DACH2: variants seen among roughly 807,000 people sequenced by gnomAD.
DACH2 encodes dachshund homolog 2.
Under a neutral mutation model 35.8 loss-of-function variants are expected in DACH2, and 17 were observed. That is an observed-to-expected ratio of 0.48 (90% CI 0.33 to 0.71). The LOEUF (loss-of-function observed/expected upper bound fraction) is 0.71. Among genes scored for constraint, DACH2 ranks in the 30% least tolerant of loss-of-function variants. DACH2 has a pLI of 0.02. For missense variants in DACH2, 469 were observed against 472.7 expected, an observed-to-expected ratio of 0.99 and a Z score of 0.07; for synonymous variants, 195 against 177.3, an observed-to-expected ratio of 1.10 and a Z score of -0.79.
intron 3 of DACH2, among the ~76,000 whole-genome samples, chrX:86,547,636 A>C (rs1326377117): frequency 9.1e-6 from 1 of 110,450 alleles, no homozygotes; most frequent in Non-Finnish European, 1.9e-5. Flanking sequence ...GTGTCACTTA[A>C]AGTGTTTTCT....
chrX:86,175,989 C>A (rs1182973814), intron 1 of DACH2, among the ~76,000 whole-genome samples: 1 of 111,331 alleles, frequency 9.0e-6, no homozygotes, highest in Non-Finnish European at 1.9e-5. Flanking sequence ...GTCATAAATT[C>A]AAAATGGTCA....
At chrX:86,612,712 C>T (rs758884589) in intron 3 of DACH2, among the ~76,000 whole-genome samples, 3 of 112,495 alleles carry the variant, frequency 2.7e-5, no homozygotes, top group African/African-American at 6.4e-5. Flanking sequence ...TCAAGACTGT[C>T]TTTCCTACCC....
rs773633938 is a variant in DACH2, at chrX:86,689,463, T to C, written c.773-5558T>C. Among the ~76,000 whole-genome samples, 18 of 111,525 alleles carry C rather than the reference T, an allele frequency of 1.6e-4. No individual in the cohort carries two copies. The East Asian group carries it at 3.9e-3, about 24-fold the overall frequency. On this transcript the variant is annotated intron_variant, in intron 4 of 11. Coordinates refer to ENST00000373125, the MANE Select transcript of DACH2 (RefSeq NM_053281.3). ...ATTATTATTTACAAAAAATGAAGTC[T>C]TTAAAGTTTAATTATGATTTAAAAT...
intron 2 of DACH2, among the ~76,000 whole-genome samples, chrX:86,437,265 C>T (rs959544068): frequency 9.0e-6 from 1 of 111,517 alleles, no homozygotes; most frequent in Non-Finnish European, 1.9e-5. Flanking sequence ...ATCCCCACAT[C>T]GGTATTTATT....
chrX:86,293,072 T>A (rs922105076), intron 1 of DACH2, among the ~76,000 whole-genome samples: 3 of 94,410 alleles, frequency 3.2e-5, no homozygotes, highest in African/African-American at 1.2e-4. Context: ...AGTCTCTTTG[T>A]AGGTCACTCA....
chrX:86,571,446 G>A (rs923163455), intron 3 of DACH2, among the ~76,000 whole-genome samples: 1 of 106,433 alleles, frequency 9.4e-6, no homozygotes, highest in Non-Finnish European at 1.9e-5. Flanking sequence ...ATCCCTCCCC[G>A]CTCCCCCCAC....
intron 1 of DACH2, among the ~76,000 whole-genome samples, chrX:86,175,594 T>C (rs2031275828): frequency 8.9e-6 from 1 of 111,785 alleles, no homozygotes; most frequent in Admixed American, 9.5e-5. Context: ...TTAGGAATAA[T>C]CAAGTAAAAA....
chrX:86,417,325 A>G (rs1476491274), intron 2 of DACH2, among the ~76,000 whole-genome samples: 1 of 111,127 alleles, frequency 9.0e-6, no homozygotes. Context: ...GATTTACTAA[A>G]TTGTTTTAAA....
chrX:86,205,341 C>G (rs1435220746), intron 1 of DACH2, among the ~76,000 whole-genome samples: 2 of 109,070 alleles, frequency 1.8e-5, no homozygotes. Flanking sequence ...GAATAAGAAG[C>G]TTTATTTTCA....
chrX:86,738,977 A>T (rs1309547143), intron 6 of DACH2, among the ~76,000 whole-genome samples: 1 of 111,029 alleles, frequency 9.0e-6, no homozygotes, highest in Admixed American at 9.6e-5. Flanking sequence ...GGTTCAAGGG[A>T]TTCTTCTACA....
In DACH2 at chrX:86,289,328, C is replaced by T. The variant is rs764790633; in HGVS notation, c.489-87496C>T. Among the ~76,000 whole-genome samples the T allele has an allele frequency of 4.7e-5, 5 of 107,382 alleles. No homozygotes were observed. The South Asian group carries it at 1.3e-3, about 28-fold the overall frequency. 93.2% of individuals were successfully genotyped at this position (107,382 alleles called of 115,157 possible). On this transcript the variant is annotated intron_variant, in intron 1 of 11. Coordinates refer to ENST00000373125, the MANE Select transcript of DACH2 (RefSeq NM_053281.3). The stretch of plus-strand genomic sequence containing the variant: ...AAGGATGGGGTATCTTTTGGAACTG[C>T]GAGCTGTGCAGCCTGTGGTTAGGGG...
At chrX:86,555,600 T>G (rs57126062) in intron 3 of DACH2, among the ~76,000 whole-genome samples, 35,852 of 110,691 alleles carry the variant, frequency 0.32, 4,670 homozygotes, top group Middle Eastern at 0.49. Flanking sequence ...GCAAATATTT[T>G]TTAAATCACT....
chrX:86,730,129 C>CTTG (rs1256994728), intron 6 of DACH2, among the ~76,000 whole-genome samples: 1 of 111,095 alleles, frequency 9.0e-6, no homozygotes, highest in Non-Finnish European at 1.9e-5. Context: ...TGTGCTAATG[C>CTTG]TTGTCACTGA....
intron 1 of DACH2, among the ~76,000 whole-genome samples, chrX:86,152,918 C>T (rs185691558): frequency 2.7e-5 from 3 of 111,724 alleles, no homozygotes; most frequent in Non-Finnish European, 5.7e-5. Flanking sequence ...TGACAATTTT[C>T]ACTCTTATGC....
At chrX:86,367,838 T>C (rs1267630974) in intron 1 of DACH2, among the ~76,000 whole-genome samples, 1 of 111,952 alleles carries the variant, frequency 8.9e-6, no homozygotes, top group African/African-American at 3.2e-5. Flanking sequence ...TTTGTTCCAT[T>C]CTGTACTTAG....
chrX:86,423,257 G>A (rs766693204), intron 2 of DACH2, among the ~76,000 whole-genome samples: 1 of 111,101 alleles, frequency 9.0e-6, no homozygotes, highest in African/African-American at 3.3e-5. Context: ...GTTCTCCACA[G>A]TGGTTGTACT....
intron 2 of DACH2, among the ~76,000 whole-genome samples, chrX:86,493,199 G>A (rs2038119094): frequency 9.0e-6 from 1 of 110,764 alleles, no homozygotes; most frequent in Non-Finnish European, 1.9e-5. Context: ...TCTCCTTGTG[G>A]TTTTGATTTG....
At chrX:86,684,030 T>G (rs552208324) in intron 4 of DACH2, among the ~76,000 whole-genome samples, 3 of 111,378 alleles carry the variant, frequency 2.7e-5, no homozygotes, top group African/African-American at 9.8e-5. Context: ...GCCACTTTCA[T>G]AGAACTTTGC....
intron 11 of DACH2, among the ~76,000 whole-genome samples, chrX:86,820,840 T>C (rs772131791): frequency 2.3e-4 from 25 of 110,488 alleles, no homozygotes; most frequent in Non-Finnish European, 2.1e-4. Flanking sequence ...CTTTTCTCTT[T>C]GGCACTTGCT....
Sources: gnomAD v4.1 joint callset for allele counts (sites outside exome capture counted in the v4.1 genomes callset) on GRCh38, gnomAD v4.1.1 for gene constraint, MANE v1.5 for transcripts, NCBI Gene and HGNC (gene_info 2026-07-23, HGNC 2026-07-21) for gene names.